Variants in EML6 observed in about 807,000 individuals in gnomAD.
EML6 encodes the protein echinoderm microtubule-associated protein-like 6.
Under a neutral mutation model 240.1 loss-of-function variants are expected in EML6, and 154 were observed. That is an observed-to-expected ratio of 0.64 (90% CI 0.56 to 0.73). The LOEUF (loss-of-function observed/expected upper bound fraction) is 0.73, where lower values mean the gene tolerates loss of function less well. Among genes scored for constraint, EML6 ranks in the 30% least tolerant of loss-of-function variants. The pLI is 0.00. For missense variants in EML6, 2,964 were observed against 2,474.6 expected, an observed-to-expected ratio of 1.20 and a Z score of -4.20; for synonymous variants, 1,148 against 899.0, an observed-to-expected ratio of 1.28 and a Z score of -4.95.
chr2:54,879,793 C>T, intron 17 of EML6, 153 bp downstream of exon 17: 1 of 617,970 alleles, frequency 1.6e-6, no homozygotes, highest in Middle Eastern at 2.6e-4. Context: ...TGCAGTATTT[C>T]ATGGTGCCAA....
intron 35 of EML6, among the ~76,000 whole-genome samples, chr2:54,961,184 G>GTTGTTTTTTTTTTTTTTTTTGTTTTT: frequency 1.8e-5 from 1 of 55,424 alleles, no homozygotes; most frequent in Non-Finnish European, 3.2e-5. Flanking sequence ...TCAGGAAGTA[G>GTTGTTTTTTTTTTTTTTTTTGTTTTT]TTTTTTTTTT....
intron 9 of EML6, 142 bp downstream of exon 9, chr2:54,847,765 A>T: frequency 5.4e-6 from 5 of 931,456 alleles, no homozygotes; most frequent in South Asian, 1.8e-5. Context: ...ACGATCCCCT[A>T]TCTGTAATTC....
chr2:54,778,102 T>C (rs1668676857), intron 2 of EML6, among the ~76,000 whole-genome samples: 1 of 152,248 alleles, frequency 6.6e-6, no homozygotes, highest in Non-Finnish European at 1.5e-5. Context: ...TGGGGTCATT[T>C]AGACATGTCA....
intron 28 of EML6, among the ~76,000 whole-genome samples, chr2:54,942,646 C>T (rs1439318296): frequency 1.3e-5 from 2 of 152,180 alleles, no homozygotes; most frequent in African/African-American, 4.8e-5. Flanking sequence ...CTGCCATCTT[C>T]TGCCCCTTCC....
intron 32 of EML6, among the ~76,000 whole-genome samples, chr2:54,957,190 G>A (rs1676269967): frequency 6.6e-6 from 1 of 152,084 alleles, no homozygotes. Flanking sequence ...CAAGTAAATG[G>A]TAGAGTTGGA....
chr2:54,844,679 T>C (rs1391102029), intron 8 of EML6, among the ~76,000 whole-genome samples: 1 of 152,242 alleles, frequency 6.6e-6, no homozygotes, highest in Non-Finnish European at 1.5e-5. Flanking sequence ...CTTTAGCACA[T>C]GAATAAGCTA....
intron 2 of EML6, among the ~76,000 whole-genome samples, chr2:54,804,421 C>G (rs1257587527): frequency 1.3e-5 from 2 of 152,216 alleles, no homozygotes; most frequent in African/African-American, 4.8e-5. Context: ...GTGTTACAGT[C>G]TTAGGCAGTA....
intron 2 of EML6, among the ~76,000 whole-genome samples, chr2:54,793,288 G>T (rs1669560536): frequency 6.6e-6 from 1 of 151,680 alleles, no homozygotes; most frequent in Non-Finnish European, 1.5e-5. Context: ...TGATCTTTCA[G>T]CGTTTGCAGG....
chr2:54,891,033 T>C (rs1244357827), intron 17 of EML6, 21 bp from the exon 18 acceptor site: 4 of 1,207,318 alleles, frequency 3.3e-6, no homozygotes, highest in African/African-American at 3.0e-5. Flanking sequence ...TAGAATCTTA[T>C]TTCCTATTTG....
At chr2:54,827,947 T>C (rs1572962103) in intron 6 of EML6, among the ~76,000 whole-genome samples, 196 bp downstream of exon 6, 1 of 152,226 alleles carries the variant, frequency 6.6e-6, no homozygotes, top group Non-Finnish European at 1.5e-5. Context: ...TAATTAGCCC[T>C]CACCTTAACT....
intron 25 of EML6, 62 bp from the exon 26 acceptor site, chr2:54,916,697 T>C: frequency 2.2e-6 from 3 of 1,351,972 alleles, no homozygotes; most frequent in Non-Finnish European, 3.0e-6. Flanking sequence ...GTGCAAACTG[T>C]TTCTTTTAAA....
rs115102276 is a variant in EML6 at position 54,909,069 on chromosome 2, G to C, written c.3410-1885G>C. Among the ~76,000 whole-genome samples the C allele has an allele frequency of 6.1e-3, 934 of 152,298 alleles. 3 individuals carry two copies. The highest frequency in any genetic ancestry group is 9.8e-3 in the Non-Finnish European group (666 of 68,032). On this transcript the variant is annotated intron_variant, in intron 24 of 41. Transcript: ENST00000356458. ...TGGTTTTAAGTGAAGTATGATCTTT[G>C]AAACTATGGTGTAAAGTGAGTTGTT... is the stretch of plus-strand genomic sequence containing the variant.
chr2:54,801,122 C>A (rs1050301599), intron 2 of EML6, among the ~76,000 whole-genome samples: 1 of 151,824 alleles, frequency 6.6e-6, no homozygotes, highest in African/African-American at 2.4e-5. Flanking sequence ...AGATTGAGAC[C>A]ATCCTGGCTA....
chr2:54,946,075 G>C (rs1193552922), intron 28 of EML6, among the ~76,000 whole-genome samples: 1 of 152,194 alleles, frequency 6.6e-6, no homozygotes, highest in African/African-American at 2.4e-5. Flanking sequence ...GGCTTCTCCT[G>C]CTCTCCAGAG....
chr2:54,943,856 C>A (rs566293707), intron 28 of EML6, among the ~76,000 whole-genome samples: 1 of 152,182 alleles, frequency 6.6e-6, no homozygotes, highest in Non-Finnish European at 1.5e-5. Context: ...CTTCAAATTC[C>A]AGTGTGTATT....
chr2:54,724,205 T>G lies in EML6; in HGVS notation c.-513-344T>G, dbSNP rs1682806216. 6.6e-6 allele frequency among the ~76,000 whole-genome samples: 1 copy of G among 152,070 alleles called. No homozygotes were observed. The highest frequency in any genetic ancestry group is 1.5e-5 in the Non-Finnish European group (1 of 68,018). On this transcript the variant is annotated intron_variant, in intron 1 of 41. Transcript: ENST00000356458. This position sits in a 1 kb window ranked among gnomAD's most constrained non-coding sequence, Gnocchi z 5.2. ...TTGCTGATCAATGAGAGCTGCTAAG[T>G]TCTTTATGGCTTTCTCGGTGAAGAG... is the stretch of plus-strand genomic sequence containing the variant.
intron 7 of EML6, among the ~76,000 whole-genome samples, chr2:54,834,023 T>A (rs1669006184): frequency 6.6e-6 from 1 of 152,310 alleles, no homozygotes; most frequent in South Asian, 2.1e-4. Flanking sequence ...TTTTTCTGAA[T>A]TCCAAAATGC....
At position 54,899,750 on chromosome 2, in the gene EML6, A is replaced by C; in HGVS notation, c.3092A>C (p.His1031Pro). Residue 1031 changes from histidine (H) to proline (P), a missense_variant, in exon 22 of 42, where the codon CAC becomes CCC. Coordinates refer to ENST00000356458, the MANE Select transcript of EML6 (RefSeq NM_001039753.4). The part of the protein sequence containing the change: ...TLRIWELSAQ[H>P]RMLAVRKLKK... ...CGCATCTGGGAACTATCTGCCCAGC[A>C]CCGTATGCTGGCAGTACGGAAACTC... The C allele has an allele frequency of 6.4e-7, 1 of 1,551,776 alleles. No individual in the cohort carries two copies. The highest frequency in any genetic ancestry group is 8.7e-7 in the Non-Finnish European group (1 of 1,146,964).
At chr2:54,900,019 T>A (rs901942978) in intron 22 of EML6, among the ~76,000 whole-genome samples, 2 of 152,198 alleles carry the variant, frequency 1.3e-5, no homozygotes, top group African/African-American at 4.8e-5. Context: ...TGCACAGATA[T>A]TTGCCACCTG....
Sources: gnomAD v4.1 joint callset for allele counts (sites outside exome capture counted in the v4.1 genomes callset) on GRCh38, gnomAD v4.1.1 for gene constraint, Gnocchi (gnomAD v3.1) non-coding constraint, MANE v1.5 for transcripts, NCBI Gene and HGNC (gene_info 2026-07-23, HGNC 2026-07-21) for gene names.